The following DLG2 variants were observed in gnomAD, a reference collection of about 807,000 sequenced individuals.
DLG2 encodes the protein disks large homolog 2.
Under a neutral mutation model 132.5 loss-of-function variants are expected in DLG2, and 45 were observed. The ratio of observed to expected loss-of-function variants is 0.34; its 90% CI spans 0.27 to 0.44. The LOEUF (loss-of-function observed/expected upper bound fraction) is 0.44. DLG2 is among the 20% of genes least tolerant of loss of function. The pLI is 1.00. For missense variants in DLG2, 1,045 were observed against 1,196.9 expected (o/e 0.87, Z 1.87); for synonymous variants, 424 against 419.6 (o/e 1.01, Z -0.13).
intron 6 of DLG2, among the ~76,000 whole-genome samples, chr11:85,011,921 G>A (rs1418822559): frequency 6.6e-6 from 1 of 152,112 alleles, no homozygotes; most frequent in Non-Finnish European, 1.5e-5. Context: ...TATTGAGTAT[G>A]CTTTTTACTA....
chr11:83,864,838 G>A (rs2062026064), intron 16 of DLG2, among the ~76,000 whole-genome samples: 1 of 152,042 alleles, frequency 6.6e-6, no homozygotes, highest in Admixed American at 6.6e-5. Context: ...GATTTCATTT[G>A]GATATATAAA....
intron 7 of DLG2, among the ~76,000 whole-genome samples, chr11:84,302,513 C>A (rs1599438968): frequency 1.3e-5 from 2 of 152,170 alleles, no homozygotes; most frequent in East Asian, 3.9e-4. Flanking sequence ...TTAGCTAGAT[C>A]TGTGAGCACG....
At chr11:84,362,092 G>A (rs2098652993) in intron 7 of DLG2, among the ~76,000 whole-genome samples, 1 of 151,780 alleles carries the variant, frequency 6.6e-6, no homozygotes, top group South Asian at 2.1e-4. Flanking sequence ...TCAATTAAAA[G>A]GTAGAGATTG....
chr11:84,261,292 C>G (rs895054109), intron 7 of DLG2, among the ~76,000 whole-genome samples: 1 of 152,226 alleles, frequency 6.6e-6, no homozygotes, highest in African/African-American at 2.4e-5. Context: ...CAAGCACATA[C>G]CTTGCTCATG....
intron 11 of DLG2, among the ~76,000 whole-genome samples, chr11:84,028,919 A>C (rs1409871811): frequency 6.6e-6 from 1 of 152,062 alleles, no homozygotes; most frequent in East Asian, 1.9e-4. Context: ...ATTTCAGAAA[A>C]ATTTTTAAAA....
Position 84,247,204 on chromosome 11 carries a change from A to G in DLG2, c.573+4034T>C, listed in dbSNP as rs184713571. Among the ~76,000 whole-genome samples the G allele has an allele frequency of 2.4e-4, 37 of 152,306 alleles. 1 individual carries two copies. The East Asian group carries it at 7.2e-3, about 29-fold the overall frequency. On this transcript the variant is annotated intron_variant, in intron 8 of 27. Transcript: ENST00000376104. ...TAAAGCATAAAGAATACTATTTGTT[A>G]GGGTGCTGTTCAATATTGAACTCTA...
At chr11:84,950,433 T>C (rs1188424892) in intron 6 of DLG2, among the ~76,000 whole-genome samples, 1 of 152,192 alleles carries the variant, frequency 6.6e-6, no homozygotes, top group Admixed American at 6.5e-5. Flanking sequence ...TCCTAACTTA[T>C]ACAGTGACAA....
chr11:85,173,604 C>G (rs2079024053), intron 4 of DLG2, among the ~76,000 whole-genome samples: 1 of 152,134 alleles, frequency 6.6e-6, no homozygotes, highest in Non-Finnish European at 1.5e-5. Flanking sequence ...ATCATGATAA[C>G]AGGATCAAAT....
At chr11:84,297,966 G>A (rs1006984742) in intron 7 of DLG2, among the ~76,000 whole-genome samples, 2 of 151,928 alleles carry the variant, frequency 1.3e-5, no homozygotes, top group Non-Finnish European at 2.9e-5. Flanking sequence ...GAACTCAATT[G>A]CCTCCTCATT....
chr11:84,166,866 C>CAT, intron 8 of DLG2: 5 of 529,416 alleles, frequency 9.4e-6, no homozygotes, highest in Non-Finnish European at 1.9e-5. Context: ...AGGTTATCGA[C>CAT]ATATGATTTT....
intron 5 of DLG2, among the ~76,000 whole-genome samples, chr11:85,143,605 A>T (rs959635601): frequency 1.3e-5 from 2 of 151,686 alleles, no homozygotes; most frequent in East Asian, 3.8e-4. Context: ...GCTATATCCC[A>T]TAAGTTTATG....
At chr11:85,000,511 A>G (rs1337685210) in intron 6 of DLG2, among the ~76,000 whole-genome samples, 2 of 152,182 alleles carry the variant, frequency 1.3e-5, no homozygotes, top group Non-Finnish European at 1.5e-5. Context: ...ATCTATACAC[A>G]CAAAACAATA....
chr11:83,502,732 G>A lies in DLG2; in HGVS notation c.2194-18504C>T, dbSNP rs553473648. 2.6e-5 allele frequency among the ~76,000 whole-genome samples: 4 copies of A among 152,138 alleles called. No individual in the cohort carries two copies. In the South Asian group the frequency reaches 8.3e-4, roughly 32 times the overall value. ...TATCCTAAAGGTTATGTGACTCCAT[G>A]GGGCTGGCCAAAACCTATAAGCTGA... On this transcript the variant is annotated intron_variant, in intron 21 of 27. Transcript: ENST00000376104.
At chr11:85,178,278 T>C (rs1273092095) in intron 4 of DLG2, among the ~76,000 whole-genome samples, 1 of 152,052 alleles carries the variant, frequency 6.6e-6, no homozygotes, top group Non-Finnish European at 1.5e-5. Flanking sequence ...AATTGCTCTT[T>C]AACCACACCC....
At chr11:84,063,560 C>A (rs1372149785) in intron 10 of DLG2, among the ~76,000 whole-genome samples, 1 of 152,020 alleles carries the variant, frequency 6.6e-6, no homozygotes, top group East Asian at 1.9e-4. Context: ...TGTGGCTATT[C>A]CTCAGGGATC....
At chr11:84,814,826 A>G (rs540960544) in intron 6 of DLG2, among the ~76,000 whole-genome samples, 1 of 152,252 alleles carries the variant, frequency 6.6e-6, no homozygotes, top group Non-Finnish European at 1.5e-5. Context: ...GTCGTATTAT[A>G]ATAATAACAA....
intron 2 of DLG2, among the ~76,000 whole-genome samples, chr11:85,611,695 GA>G (rs1229711959): frequency 6.6e-6 from 1 of 152,256 alleles, no homozygotes; most frequent in Non-Finnish European, 1.5e-5. Flanking sequence ...ACAGATAGCA[GA>G]TATGCTTATC....
At chr11:84,516,297 T>TCTTCTTTTCTTGTTCATTGAGGTGTATTA (rs2099272851) in intron 7 of DLG2, among the ~76,000 whole-genome samples, 1 of 151,432 alleles carries the variant, frequency 6.6e-6, no homozygotes, top group Non-Finnish European at 1.5e-5. Context: ...AGTTGTTTTT[T>TCTTCTTTTCTTGTTCATTGAGGTGTATTA]GAAAAAAATA....
chr11:84,371,046 C>A (rs1417098725), intron 7 of DLG2, among the ~76,000 whole-genome samples: 1 of 151,966 alleles, frequency 6.6e-6, no homozygotes, highest in African/African-American at 2.4e-5. Context: ...TCCAAAGGAC[C>A]AAAGTCTTTT....
Sources: allele counts gnomAD v4.1 joint callset (sites outside exome capture counted in the v4.1 genomes callset), GRCh38; gene constraint gnomAD v4.1.1; transcripts MANE v1.5; gene names NCBI Gene and HGNC (gene_info 2026-07-23, HGNC 2026-07-21).